OPRK1: variants seen among roughly 807,000 people sequenced by gnomAD.
The protein encoded by OPRK1 is opioid receptor kappa 1.
OPRK1 carries 15 observed loss-of-function variants against 24.5 expected under a neutral mutation model. That is an observed-to-expected ratio of 0.61 (90% CI 0.41 to 0.94). OPRK1 has a LOEUF of 0.94. OPRK1 is among the 40% of genes least tolerant of loss of function. OPRK1 has a pLI of 0.00. For synonymous variants in OPRK1, 205 were observed against 198.0 expected, an observed-to-expected ratio of 1.04 and a Z score of -0.30; for missense variants, 479 against 507.3, an observed-to-expected ratio of 0.94 and a Z score of 0.54.
At position 53,229,785 on chromosome 8, in the gene OPRK1, A is replaced by C; in HGVS notation, c.655T>G (p.Tyr219Asp). The C allele has an allele frequency of 6.2e-7, 1 of 1,603,674 alleles. No individual in the cohort carries two copies. The highest frequency in any genetic ancestry group is 2.2e-5 in the East Asian group (1 of 44,772). ...ECSLQFPDDD[Y>D]SWWDLFMKIC... Reference sequence around the variant, plus strand: ...TTCATGAAGAGGTCCCACCAGGAGTAGTCATCATCTGGGAACTGCAAGGAG... The same window carrying C: ...TTCATGAAGAGGTCCCACCAGGAGTCGTCATCATCTGGGAACTGCAAGGAG... Residue 219 changes from tyrosine to aspartate, a missense_variant, in exon 4 of 4, where the codon TAC becomes GAC. Transcript: ENST00000265572.
At chr8:53,236,159 T>G (rs1276308313) in intron 2 of OPRK1, among the ~76,000 whole-genome samples, 1 of 152,202 alleles carries the variant, frequency 6.6e-6, no homozygotes, top group African/African-American at 2.4e-5. Flanking sequence ...CTCTGAACAT[T>G]TCATGATAGA....
chr8:53,251,027 G>T lies in OPRK1; in HGVS notation c.11C>A (p.Pro4Gln). The T allele has an allele frequency of 6.4e-7, 1 of 1,558,126 alleles. No individual in the cohort carries two copies. Among genetic ancestry groups the T allele is most frequent in the Non-Finnish European group, 8.6e-7 (1 of 1,156,430 alleles). Residue 4 changes from proline to glutamine, a missense_variant, in exon 2 of 4, where the codon CCG becomes CAG. Coordinates refer to ENST00000265572, the MANE Select transcript of OPRK1 (RefSeq NM_000912.5). ...CGGCTCCCCGCGGAAGATCTGGATC[G>T]GGGAGTCCATGGTGGGGCGATTGCA... Reference protein sequence around the residue: MDSPIQIFRGEPGP... With the variant: MDSQIQIFRGEPGP...
chr8:53,237,785 GC>G (rs1807028437), intron 2 of OPRK1, among the ~76,000 whole-genome samples: 1 of 152,132 alleles, frequency 6.6e-6, no homozygotes, highest in Admixed American at 6.6e-5. Context: ...CGAAACTACT[GC>G]CCTTCTAGTT....
At position 53,226,310 on chromosome 8, in the gene OPRK1, T is replaced by A. The variant is rs1806683866; in HGVS notation, c.*2987A>T. 1 of 152,008 alleles carries A rather than the reference T, an allele frequency of 6.6e-6. No homozygotes were observed. The highest frequency in any genetic ancestry group is 6.6e-5 in the Admixed American group (1 of 15,246). 9.4% of individuals were successfully genotyped at this position (152,008 alleles called of 1,614,324 possible). ...GGTAACTACTCTGAGATACTAAGAG[T>A]GTTTCCACTCTCCTCCCAGTTAGAG... On this transcript the variant is annotated 3_prime_UTR_variant, in exon 4 of 4. Transcript: ENST00000265572.
intron 2 of OPRK1, among the ~76,000 whole-genome samples, chr8:53,238,107 G>A (rs561102288): frequency 3.3e-5 from 5 of 152,300 alleles, no homozygotes; most frequent in East Asian, 1.9e-4. Flanking sequence ...AGGCTGTGAC[G>A]CTCAGAGGCA....
rs918700110 is a variant in OPRK1, at chr8:53,228,797, G to T, written c.*500C>A. The T allele has an allele frequency of 6.5e-6, 1 of 153,618 alleles. No individual in the cohort carries two copies. Among genetic ancestry groups the T allele is most frequent in the Non-Finnish European group, 1.4e-5 (1 of 69,166 alleles). 9.5% of individuals were successfully genotyped at this position (153,618 alleles called of 1,614,324 possible). ...TTCTTACCACACAGCCACATGAAAT[G>T]CATGTCCACACAGCATACAGTGAGC... On this transcript the variant is annotated 3_prime_UTR_variant, in exon 4 of 4. Transcript: ENST00000265572.
At chr8:53,247,094 A>G (rs531779829) in intron 2 of OPRK1, among the ~76,000 whole-genome samples, 1 of 152,374 alleles carries the variant, frequency 6.6e-6, no homozygotes, top group South Asian at 2.1e-4. Context: ...GGTGGAAGAC[A>G]CTGGCAGAAG....
At chr8:53,232,075 G>A (rs575587401) in intron 3 of OPRK1, among the ~76,000 whole-genome samples, 112 of 152,276 alleles carry the variant, frequency 7.4e-4, no homozygotes, top group Middle Eastern at 3.4e-3. Context: ...AGAGTGCTGA[G>A]GCAATCATCA....
At chr8:53,245,314 C>T (rs191204107) in intron 2 of OPRK1, among the ~76,000 whole-genome samples, 22 of 152,260 alleles carry the variant, frequency 1.4e-4, no homozygotes, top group African/African-American at 5.1e-4. Context: ...GATTAAGACA[C>T]AGATGTGTAG....
At chr8:53,251,212 G>A in intron 1 of OPRK1, 127 bp from the exon 2 acceptor site, 1 of 1,056,092 alleles carries the variant, frequency 9.5e-7, no homozygotes, top group Non-Finnish European at 1.3e-6. Flanking sequence ...GCAGGACAGG[G>A]AGAACGGACT....
intron 2 of OPRK1, among the ~76,000 whole-genome samples, chr8:53,248,410 A>T (rs1273635732): frequency 6.6e-6 from 1 of 152,148 alleles, no homozygotes; most frequent in African/African-American, 2.4e-5. Context: ...AGCCTTTCCC[A>T]TGTAAAACAT....
intron 2 of OPRK1, among the ~76,000 whole-genome samples, chr8:53,245,521 G>T (rs1262816934): frequency 4.6e-5 from 7 of 152,152 alleles, no homozygotes; most frequent in Admixed American, 4.6e-4. Flanking sequence ...GCAAACTAAG[G>T]GAGGCTCTAG....
At chr8:53,238,835 T>G (rs1807054095) in intron 2 of OPRK1, 2 of 270,020 alleles carry the variant, frequency 7.4e-6, no homozygotes, top group African/African-American at 4.6e-5. Context: ...AACACAGCAC[T>G]CTCAGGACTT....
intron 2 of OPRK1, among the ~76,000 whole-genome samples, chr8:53,247,349 C>A (rs575107648): frequency 4.6e-5 from 7 of 152,206 alleles, no homozygotes; most frequent in Admixed American, 4.6e-4. Flanking sequence ...CCAGGTGTAA[C>A]CTTAGTTTAT....
At chr8:53,247,533 G>A (rs1807261276) in intron 2 of OPRK1, among the ~76,000 whole-genome samples, 1 of 152,126 alleles carries the variant, frequency 6.6e-6, no homozygotes, top group East Asian at 1.9e-4. Flanking sequence ...AGTCGAACGC[G>A]TATGAAGTTG....
At chr8:53,236,697 A>G (rs1807005096) in intron 2 of OPRK1, among the ~76,000 whole-genome samples, 1 of 152,206 alleles carries the variant, frequency 6.6e-6, no homozygotes, top group Non-Finnish European at 1.5e-5. Flanking sequence ...ACATGTTTCT[A>G]ATGAGAAAGA....
intron 2 of OPRK1, among the ~76,000 whole-genome samples, chr8:53,238,995 A>ACTC (rs1807056868): frequency 6.6e-6 from 1 of 151,916 alleles, no homozygotes; most frequent in South Asian, 2.1e-4. Flanking sequence ...TTAATCAGGA[A>ACTC]CTCCTTTTCA....
chr8:53,233,573 A>T (rs770435393), intron 3 of OPRK1, among the ~76,000 whole-genome samples: 9 of 152,184 alleles, frequency 5.9e-5, no homozygotes, highest in Non-Finnish European at 1.2e-4. Context: ...GAGCATTTAT[A>T]TACCTGCTGG....
At position 53,229,833 on chromosome 8, in the gene OPRK1, G is replaced by A; in HGVS notation, c.611-4C>T. ...GAGCACTCAATGACATCGACGTCTG[G>A]AGGAGGGCAATAAAAACCACAACAC... On this transcript the variant is annotated splice_region_variant and splice_polypyrimidine_tract_variant and intron_variant, in intron 3 of 3. Coordinates refer to ENST00000265572, the MANE Select transcript of OPRK1 (RefSeq NM_000912.5). The A allele has an allele frequency of 1.3e-6, 2 of 1,537,688 alleles. No individual in the cohort carries two copies. The highest frequency in any genetic ancestry group is 1.7e-6 in the Non-Finnish European group (2 of 1,144,014).
Sources: gnomAD v4.1 joint callset for allele counts (sites outside exome capture counted in the v4.1 genomes callset) on GRCh38, gnomAD v4.1.1 for gene constraint, MANE v1.5 for transcripts, NCBI Gene and HGNC (gene_info 2026-07-23, HGNC 2026-07-21) for gene names.